The following CFAP97 variants were observed in gnomAD, a reference collection of about 807,000 sequenced individuals.
CFAP97 encodes the protein cilia and flagella associated protein 97, also known as cilia- and flagella-associated protein 97.
CFAP97 carries 36 observed loss-of-function variants against 43.1 expected under a neutral mutation model. The ratio of observed to expected loss-of-function variants is 0.84; its 90% CI spans 0.64 to 1.10. The LOEUF is 1.10. Ranked by LOEUF, CFAP97 falls within the 50% of genes least tolerant of loss-of-function variation. CFAP97 has a pLI of 0.00. For missense variants in CFAP97, 657 were observed against 620.3 expected, an observed-to-expected ratio of 1.06 and a Z score of -0.63; for synonymous variants, 228 against 225.7, an observed-to-expected ratio of 1.01 and a Z score of -0.09.
At chr4:185,167,655 T>C (rs1735122122) in intron 3 of CFAP97, among the ~76,000 whole-genome samples, 3 of 152,072 alleles carry the variant, frequency 2.0e-5, no homozygotes, top group African/African-American at 7.2e-5. Flanking sequence ...AGTAATTAAG[T>C]GATAGAATGC....
At chr4:185,198,470 A>G (rs11132286) in intron 1 of CFAP97, among the ~76,000 whole-genome samples, 74,804 of 149,120 alleles carry the variant, frequency 0.5, 19,087 homozygotes, top group East Asian at 0.59. Flanking sequence ...AGAAAGGAAG[A>G]AAAAGAAGCC....
In CFAP97 at chr4:185,190,793, C is replaced by G. The variant is rs1736211080; in HGVS notation, c.404G>C (p.Gly135Ala). The G allele has an allele frequency of 6.2e-7, 1 of 1,606,570 alleles. No individual in the cohort carries two copies. The highest frequency in any genetic ancestry group is 1.1e-5 in the South Asian group (1 of 89,912). Residue 135 changes from glycine to alanine, a missense_variant, in exon 2 of 5, where the codon GGA (glycine) becomes GCA (alanine). By Grantham distance (60) the Gly-to-Ala change is moderately conservative. Coordinates refer to ENST00000458385, the MANE Select transcript of CFAP97 (RefSeq NM_020827.3). Reference protein sequence around the residue: ...KEGEDDYYTDGEESSDDGKKY... With the variant: ...KEGEDDYYTDAEESSDDGKKY... ...CTTCCCATCATCACTGCTTTCCTCT[C>G]CATCTGTGTAGTAATCATCTTCACC...
intron 2 of CFAP97, among the ~76,000 whole-genome samples, chr4:185,177,381 C>T (rs1223434027): frequency 6.6e-6 from 1 of 150,698 alleles, no homozygotes. Context: ...CCATTGCACT[C>T]CAGCCTGAGC....
At chr4:185,207,241 C>T (rs1001532617), upstream of CFAP97, among the ~76,000 whole-genome samples, 7 of 97,450 alleles carry the variant, frequency 7.2e-5, no homozygotes, top group South Asian at 3.4e-4. Flanking sequence ...TTTTTTGAGA[C>T]GGAGTCTCGC....
chr4:185,165,368 TA>T (rs1216855498), intron 3 of CFAP97, among the ~76,000 whole-genome samples: 3 of 117,008 alleles, frequency 2.6e-5, no homozygotes, highest in Non-Finnish European at 5.6e-5. Context: ...AATAACATGG[TA>T]ATTTTTTTTA....
At chr4:185,164,261 T>C (rs1291640414) in intron 3 of CFAP97, 82 bp from the exon 4 acceptor site, 7 of 1,298,114 alleles carry the variant, frequency 5.4e-6, no homozygotes, top group Non-Finnish European at 6.3e-6. Context: ...GAGCCTGACA[T>C]TCACTTTCTT....
upstream of CFAP97, chr4:185,204,606 A>C (rs1367352222): frequency 6.6e-6 from 1 of 152,268 alleles, no homozygotes; most frequent in Non-Finnish European, 1.5e-5. Flanking sequence ...CAACACGTGA[A>C]TATGTCACCT....
chr4:185,192,898 G>A (rs1048353037), intron 1 of CFAP97, among the ~76,000 whole-genome samples: 4 of 151,810 alleles, frequency 2.6e-5, no homozygotes, highest in African/African-American at 7.3e-5. Context: ...CCGCCACCAC[G>A]CCCGGCTAAT....
At chr4:185,187,452 C>T (rs1018088202) in intron 2 of CFAP97, among the ~76,000 whole-genome samples, 1 of 151,862 alleles carries the variant, frequency 6.6e-6, no homozygotes, top group Non-Finnish European at 1.5e-5. Context: ...TGGAGAGAAA[C>T]AAGCTTTTGC....
At chr4:185,202,044 C>A (rs540398996) in intron 1 of CFAP97, among the ~76,000 whole-genome samples, 1 of 151,550 alleles carries the variant, frequency 6.6e-6, no homozygotes, top group African/African-American at 2.4e-5. Context: ...TTTTTCCCCC[C>A]ATCCCCTACA....
At chr4:185,203,635 A>C (rs1467108805) in intron 1 of CFAP97, 1 of 151,688 alleles carries the variant, frequency 6.6e-6, no homozygotes, top group African/African-American at 2.4e-5. Flanking sequence ...GCTGATCCTG[A>C]CCCTCAAAGC....
chr4:185,199,184 G>T (rs908331592), intron 1 of CFAP97, among the ~76,000 whole-genome samples: 11 of 152,074 alleles, frequency 7.2e-5, no homozygotes, highest in Admixed American at 7.2e-4. Flanking sequence ...ACCAGCCTGA[G>T]CAACAGGGCG....
At chr4:185,181,848 C>G (rs1420858878) in intron 2 of CFAP97, among the ~76,000 whole-genome samples, 1 of 152,144 alleles carries the variant, frequency 6.6e-6, no homozygotes, top group Non-Finnish European at 1.5e-5. Flanking sequence ...CCAGGCAGGA[C>G]GTGCTGGTAG....
chr4:185,179,790 G>A (rs1735712145), intron 2 of CFAP97, among the ~76,000 whole-genome samples: 1 of 152,140 alleles, frequency 6.6e-6, no homozygotes, highest in Non-Finnish European at 1.5e-5. Flanking sequence ...AAAGCATTGT[G>A]TGACAAAATA....
At chr4:185,169,960 T>C (rs1735230448) in intron 3 of CFAP97, 5 of 1,029,850 alleles carry the variant, frequency 4.9e-6, no homozygotes, top group Non-Finnish European at 5.8e-6. Context: ...AATCAACAGA[T>C]TAATATTCAT....
At chr4:185,207,591 G>A (rs145119304), upstream of CFAP97, 4 of 152,120 alleles carry the variant, frequency 2.6e-5, no homozygotes, top group East Asian at 7.8e-4. Context: ...TCTGTAATAT[G>A]AGATGAGTAA....
intron 2 of CFAP97, among the ~76,000 whole-genome samples, chr4:185,185,588 T>C (rs1373829363): frequency 2.6e-5 from 4 of 151,870 alleles, no homozygotes; most frequent in African/African-American, 9.7e-5. Flanking sequence ...GGTAGTGATA[T>C]TAACAACTAT....
rs895362519 is a variant in CFAP97 at position 185,162,632 on chromosome 4, G to A, written c.*166C>T. On this transcript the variant is annotated 3_prime_UTR_variant, in exon 5 of 5. Transcript: ENST00000458385. ...CAGGAAACACTTTTTACATTAAATC[G>A]TTTTTTGACAATAATTTTGCACTGA... The A allele has an allele frequency of 2.2e-5, 15 of 693,504 alleles. No homozygotes were observed. Among genetic ancestry groups the A allele is most frequent in the South Asian group, 5.9e-5 (3 of 51,168 alleles). 43.0% of individuals were successfully genotyped at this position (693,504 alleles called of 1,614,324 possible).
Position 185,164,135 on chromosome 4 carries a change from C to T in CFAP97, c.1365G>A (p.Met455Ile). 1 of 1,613,980 alleles carries T rather than the reference C, an allele frequency of 6.2e-7. No individual in the cohort carries two copies. Among genetic ancestry groups the T allele is most frequent in the South Asian group, 1.1e-5 (1 of 91,082 alleles). ...AGTCCATCAGTTGTTCTGAACGTTT[C>T]ATACCAACTGTTGGTTTCACGGCCT... is the stretch of plus-strand genomic sequence containing the variant. Reference protein sequence around the residue: ...RLEAVKPTVGMKRSEQLMDYH... With the variant: ...RLEAVKPTVGIKRSEQLMDYH... Residue 455 changes from methionine (M) to isoleucine (I), a missense_variant, in exon 4 of 5, where the codon ATG becomes ATA. Coordinates refer to ENST00000458385, the MANE Select transcript of CFAP97 (RefSeq NM_020827.3).
Sources: gnomAD v4.1 joint callset for allele counts (sites outside exome capture counted in the v4.1 genomes callset) on GRCh38, gnomAD v4.1.1 for gene constraint, MANE v1.5 for transcripts, NCBI Gene and HGNC (gene_info 2026-07-23, HGNC 2026-07-21) for gene names.